The following CPED1 variants were observed in gnomAD, a reference collection of about 807,000 sequenced individuals.
The protein encoded by CPED1 is cadherin-like and PC-esterase domain-containing protein 1.
A neutral mutation model predicts 128.2 loss-of-function variants in CPED1; 114 were observed. The observed-to-expected ratio is 0.89, with a 90% confidence interval of 0.76 to 1.04. The LOEUF (loss-of-function observed/expected upper bound fraction) is 1.04, where lower values mean the gene tolerates loss of function less well. Among genes scored for constraint, CPED1 ranks in the 50% least tolerant of loss-of-function variants. The pLI, the probability that CPED1 is intolerant of heterozygous loss-of-function variation, is 0.00. For missense variants in CPED1, 1,211 were observed against 1,207.1 expected (o/e 1.00, Z -0.05); for synonymous variants, 462 against 426.7 (o/e 1.08, Z -1.02).
chr7:121,056,509 C>G (rs1343158335), intron 4 of CPED1, among the ~76,000 whole-genome samples: 2 of 152,206 alleles, frequency 1.3e-5, no homozygotes, highest in Non-Finnish European at 2.9e-5. Context: ...ATCCCACACT[C>G]AGTACCTTTT....
intron 9 of CPED1, among the ~76,000 whole-genome samples, chr7:121,126,785 A>G (rs532910595): frequency 6.6e-6 from 1 of 152,266 alleles, no homozygotes; most frequent in South Asian, 2.1e-4. Flanking sequence ...TCTGTTGTTC[A>G]GAAAGAAATG....
intron 16 of CPED1, among the ~76,000 whole-genome samples, chr7:121,166,226 A>G (rs940115120): frequency 6.6e-6 from 1 of 152,198 alleles, no homozygotes; most frequent in Non-Finnish European, 1.5e-5. Flanking sequence ...ATTTGAATCT[A>G]TGTGCTAGCT....
At chr7:121,261,125 A>G (rs1792007592) in intron 18 of CPED1, among the ~76,000 whole-genome samples, 15 of 152,126 alleles carry the variant, frequency 9.9e-5, no homozygotes, top group Admixed American at 9.8e-4. Context: ...GGATTAAAAT[A>G]TTTAAAAGTC....
In CPED1 at chr7:121,140,916, T is replaced by A. The variant is rs1299151080; in HGVS notation, c.1789T>A (p.Tyr597Asn). The A allele has an allele frequency of 2.5e-6, 4 of 1,612,560 alleles. No homozygotes were observed. The highest frequency in any genetic ancestry group is 2.5e-6 in the Non-Finnish European group (3 of 1,179,056). ...CTTTCATCCAAAGATCAAAGATTAT[T>A]ACTGTGAAGTCCCATTTGATGTGGT... ...PDFHPKIKDY[Y>N]CEVPFDVVTV... The change falls in exon 15 of 23, where the codon TAC (tyrosine) becomes AAC (asparagine). Residue 597 changes from tyrosine to asparagine, a missense_variant. Coordinates refer to ENST00000310396, the MANE Select transcript of CPED1 (RefSeq NM_024913.5).
chr7:121,293,361 A>T (rs1792752020), intron 22 of CPED1, among the ~76,000 whole-genome samples: 1 of 152,122 alleles, frequency 6.6e-6, no homozygotes, highest in Non-Finnish European at 1.5e-5. Flanking sequence ...TACCCCCACC[A>T]AGCTCGAGTG....
At chr7:121,087,711 A>G in intron 5 of CPED1, among the ~76,000 whole-genome samples, 1 of 136,774 alleles carries the variant, frequency 7.3e-6, no homozygotes, top group East Asian at 2.1e-4. Flanking sequence ...CCCAGGCTGG[A>G]ATGCAGTGGC....
In CPED1 at chr7:120,989,375, C is replaced by A. The variant is rs570134352; in HGVS notation, c.-231-16C>A. On this transcript the variant is annotated splice_polypyrimidine_tract_variant and intron_variant, in intron 1 of 22. Coordinates refer to ENST00000310396, the MANE Select transcript of CPED1 (RefSeq NM_024913.5). ...CGTTACAACTATTATTATTTGATGT[C>A]TTTTTTTAAACTCAGGTCATCCACT... 1 of 495,054 alleles carries A rather than the reference C, an allele frequency of 2.0e-6. No homozygotes were observed. The highest frequency in any genetic ancestry group is 3.6e-6 in the Non-Finnish European group (1 of 274,576). 30.7% of individuals were successfully genotyped at this position (495,054 alleles called of 1,614,324 possible). A position where few individuals can be genotyped will look rare whatever the true frequency, so the allele number is the denominator to read the frequency against.
chr7:121,206,669 A>G (rs1266513788), intron 16 of CPED1, among the ~76,000 whole-genome samples: 1 of 151,918 alleles, frequency 6.6e-6, no homozygotes, highest in East Asian at 1.9e-4. Flanking sequence ...TGTAACCTCC[A>G]TTTTTTTACT....
At chr7:121,158,370 CCA>C (rs2116425258) in intron 16 of CPED1, among the ~76,000 whole-genome samples, 1 of 152,226 alleles carries the variant, frequency 6.6e-6, no homozygotes, top group South Asian at 2.1e-4. Flanking sequence ...CACGATAACC[CCA>C]GTCTGGCATT....
intron 16 of CPED1, among the ~76,000 whole-genome samples, chr7:121,228,789 C>T (rs1444136122): frequency 1.3e-5 from 2 of 151,736 alleles, no homozygotes; most frequent in African/African-American, 2.4e-5. Flanking sequence ...GAACATGGAC[C>T]ATTACTTGGC....
Position 121,053,674 on chromosome 7 carries a change from A to G in CPED1, c.540+6681A>G, listed in dbSNP as rs376654621. Among the ~76,000 whole-genome samples the G allele has an allele frequency of 3.5e-3, 535 of 152,266 alleles. 1 individual carries two copies. Among genetic ancestry groups the G allele is most frequent in the Non-Finnish European group, 5.2e-3 (354 of 68,034 alleles). On this transcript the variant is annotated intron_variant, in intron 4 of 22. Coordinates refer to ENST00000310396, the MANE Select transcript of CPED1 (RefSeq NM_024913.5). Reference sequence around the variant, plus strand: ...GATCCAGAGGTGGATCTTGCTCCCAACAATTTGTATTCTGGTGTTCTAATG... The same window carrying G: ...GATCCAGAGGTGGATCTTGCTCCCAGCAATTTGTATTCTGGTGTTCTAATG...
At chr7:121,271,090 T>A (rs1337846305) in intron 21 of CPED1, among the ~76,000 whole-genome samples, 194 bp from the exon 22 acceptor site, 2 of 152,124 alleles carry the variant, frequency 1.3e-5, no homozygotes, top group Non-Finnish European at 2.9e-5. Context: ...GTTTTATACA[T>A]AAATGATTAC....
chr7:121,258,529 G>A (rs557045959), intron 18 of CPED1, among the ~76,000 whole-genome samples: 2 of 152,156 alleles, frequency 1.3e-5, no homozygotes, highest in South Asian at 2.1e-4. Context: ...AGAAAAATAC[G>A]GATATTTATT....
chr7:121,044,650 C>CTTTTTTTTTTTTTTTTTT (rs58884492), intron 3 of CPED1, among the ~76,000 whole-genome samples: 2 of 106,036 alleles, frequency 1.9e-5, no homozygotes, highest in Admixed American at 1.3e-4. Context: ...ACTTTCTGCT[C>CTTTTTTTTTTTTTTTTTT]TTTTTTTTTT....
chr7:121,224,787 C>CTTT (rs143087799), intron 16 of CPED1, among the ~76,000 whole-genome samples: 29 of 56,238 alleles, frequency 5.2e-4, no homozygotes, highest in African/African-American at 1.1e-3. Flanking sequence ...GCAACCCCTG[C>CTTT]TTTTTTTTTT....
At chr7:121,237,213 T>A (rs1798279270) in intron 17 of CPED1, among the ~76,000 whole-genome samples, 1 of 152,162 alleles carries the variant, frequency 6.6e-6, no homozygotes, top group Non-Finnish European at 1.5e-5. Flanking sequence ...TTGTTTAATG[T>A]CAGTTTTCCC....
At chr7:121,070,804 C>T (rs1346374346) in intron 5 of CPED1, among the ~76,000 whole-genome samples, 1 of 152,158 alleles carries the variant, frequency 6.6e-6, no homozygotes, top group Non-Finnish European at 1.5e-5. Context: ...ATAATCCAGT[C>T]CATTCCGTTA....
chr7:121,106,038 T>C (rs1277491747), intron 7 of CPED1, among the ~76,000 whole-genome samples: 1 of 151,914 alleles, frequency 6.6e-6, no homozygotes, highest in Admixed American at 6.6e-5. Flanking sequence ...CCTCACAGAG[T>C]TCCTGGCGCA....
chr7:121,107,002 A>G (rs918891174), intron 7 of CPED1, among the ~76,000 whole-genome samples: 3 of 152,114 alleles, frequency 2.0e-5, no homozygotes, highest in African/African-American at 7.2e-5. Flanking sequence ...GAGCAGCACC[A>G]TCTTAATTTT....
Sources: gnomAD v4.1 joint callset for allele counts (sites outside exome capture counted in the v4.1 genomes callset) on GRCh38, gnomAD v4.1.1 for gene constraint, MANE v1.5 for transcripts, NCBI Gene and HGNC (gene_info 2026-07-23, HGNC 2026-07-21) for gene names.